ACVR2A: variants seen among roughly 807,000 people sequenced by gnomAD.
ACVR2A encodes the protein activin receptor type-2A.
ACVR2A carries 7 observed loss-of-function variants against 61.4 expected under a neutral mutation model. That is an observed-to-expected ratio of 0.11 (90% confidence interval 0.06 to 0.21). The LOEUF (loss-of-function observed/expected upper bound fraction) is 0.21, where lower values mean the gene tolerates loss of function less well. ACVR2A is among the 10% of genes least tolerant of loss of function. The pLI is 1.00. For synonymous variants in ACVR2A, 193 were observed against 208.3 expected, an observed-to-expected ratio of 0.93 and a Z score of 0.63; for missense variants, 322 against 621.7, an observed-to-expected ratio of 0.52 and a Z score of 5.13.
At chr2:147,856,402 C>T (rs567104935) in intron 1 of ACVR2A, among the ~76,000 whole-genome samples, 158 of 152,276 alleles carry the variant, frequency 1.0e-3, no homozygotes, top group African/African-American at 3.6e-3. Flanking sequence ...AGCTAACCAT[C>T]TTTGATAAGC....
chr2:147,910,836 G>A (rs1687094852), intron 4 of ACVR2A, among the ~76,000 whole-genome samples: 1 of 152,126 alleles, frequency 6.6e-6, no homozygotes, highest in Admixed American at 6.6e-5. Flanking sequence ...ACCTTGATGT[G>A]CTGGGCAAGT....
At chr2:147,898,009 A>G (rs1686783296) in intron 2 of ACVR2A, among the ~76,000 whole-genome samples, 1 of 152,142 alleles carries the variant, frequency 6.6e-6, no homozygotes, top group African/African-American at 2.4e-5. Flanking sequence ...TTTTTGTAGT[A>G]GAAAACTACT....
chr2:147,926,687 A>G (rs1029534936), intron 10 of ACVR2A, among the ~76,000 whole-genome samples: 58 of 151,906 alleles, frequency 3.8e-4, no homozygotes, highest in South Asian at 2.1e-4. Flanking sequence ...CAGGTAGAGA[A>G]ATCCCAAGGG....
intron 8 of ACVR2A, among the ~76,000 whole-genome samples, chr2:147,921,503 C>A (rs1687381358): frequency 6.6e-6 from 1 of 152,086 alleles, no homozygotes; most frequent in South Asian, 2.1e-4. Flanking sequence ...CTATTGGTTC[C>A]TGAGGACACG....
rs150606697 is a variant in ACVR2A, at chr2:147,892,071, A to G, written c.56-4230A>G. The stretch of plus-strand genomic sequence containing the variant: ...ACTGCAACCTCCACCTCCTGGGTTC[A>G]AGGGATTCTCCTGCCTTAGCCTCCT... On this transcript the variant is annotated intron_variant, in intron 1 of 10. Transcript: ENST00000241416. Among the ~76,000 whole-genome samples the G allele has an allele frequency of 9.3e-3, 1,418 of 152,018 alleles. 9 individuals are homozygous for G. Among genetic ancestry groups the G allele is most frequent in the Non-Finnish European group, 0.015 (1,009 of 67,970 alleles).
chr2:147,874,521 G>A (rs766818811), intron 1 of ACVR2A, among the ~76,000 whole-genome samples: 25 of 151,932 alleles, frequency 1.6e-4, no homozygotes, highest in Non-Finnish European at 3.2e-4. Flanking sequence ...TTCTCAAACT[G>A]TGGTGTGAGG....
chr2:147,906,771 C>A (rs976736717), intron 4 of ACVR2A, among the ~76,000 whole-genome samples: 6 of 149,608 alleles, frequency 4.0e-5, no homozygotes, highest in South Asian at 4.2e-4. Flanking sequence ...CATATTAACT[C>A]ATTTAATTTG....
At chr2:147,923,139 GATAT>G (rs1476907353) in intron 9 of ACVR2A, 28 bp downstream of exon 9, 10 of 1,595,156 alleles carry the variant, frequency 6.3e-6, no homozygotes. Context: ...TTTTAAAAAA[GATAT>G]ATATGCCTAC....
At position 147,845,123 on chromosome 2, in the gene ACVR2A, TTCC is replaced by T. The variant is rs1347146375; in HGVS notation, c.-26_-24del. On this transcript the variant is annotated 5_prime_UTR_variant, in exon 1 of 11. Coordinates refer to ENST00000241416, the MANE Select transcript of ACVR2A (RefSeq NM_001616.5). Reference sequence around the variant, plus strand: ...AGGGAACTGGATATCTAGCGAGAACTTCCTCCGGATTCCCCGGCGCCTCGGGAA... The same window carrying T: ...AGGGAACTGGATATCTAGCGAGAACTTCCGGATTCCCCGGCGCCTCGGGAA... 6.3e-7 allele frequency: 1 copy of T among 1,590,398 alleles called. No individual in the cohort carries two copies. The highest frequency in any genetic ancestry group is 8.6e-7 in the Non-Finnish European group (1 of 1,165,868).
chr2:147,858,980 C>CAAT (rs1685656536), intron 1 of ACVR2A, among the ~76,000 whole-genome samples: 1 of 151,998 alleles, frequency 6.6e-6, no homozygotes, highest in Admixed American at 6.5e-5. Context: ...TGTAGTTTGC[C>CAAT]AATCTCTTGG....
intron 1 of ACVR2A, among the ~76,000 whole-genome samples, chr2:147,890,858 A>G (rs1229414115): frequency 6.6e-6 from 1 of 152,026 alleles, no homozygotes; most frequent in Non-Finnish European, 1.5e-5. Context: ...ACTTGATGGG[A>G]TAGAGACTGA....
intron 1 of ACVR2A, among the ~76,000 whole-genome samples, chr2:147,883,730 T>G (rs1028344255): frequency 6.6e-6 from 1 of 152,208 alleles, no homozygotes; most frequent in Non-Finnish European, 1.5e-5. Flanking sequence ...ATATATATTG[T>G]TAATTTTCTT....
In ACVR2A at chr2:147,899,470, A is replaced by G; in HGVS notation, c.276A>G (p.Val92=). ...DINCYDRTDC[V]EKKDSPEVYF... The stretch of plus-strand genomic sequence containing the variant: ...TGCTTATTTATAGGACTGATTGTGT[A>G]GAAAAAAAAGACAGCCCTGAAGTAT... The change falls in exon 3 of 11, where the codon GTA becomes GTG. Residue 92 remains valine (V), a synonymous_variant. Transcript: ENST00000241416. 1 of 1,610,916 alleles carries G rather than the reference A, an allele frequency of 6.2e-7. No individual in the cohort carries two copies. The highest frequency in any genetic ancestry group is 8.5e-7 in the Non-Finnish European group (1 of 1,178,234).
At chr2:147,926,753 A>G (rs1687509309) in intron 10 of ACVR2A, among the ~76,000 whole-genome samples, 1 of 151,932 alleles carries the variant, frequency 6.6e-6, no homozygotes, top group African/African-American at 2.4e-5. Context: ...TTAACTAAGA[A>G]AACAATAAAA....
intron 1 of ACVR2A, among the ~76,000 whole-genome samples, chr2:147,881,218 T>C (rs1023466556): frequency 6.6e-6 from 1 of 152,204 alleles, no homozygotes; most frequent in Non-Finnish European, 1.5e-5. Context: ...TTTGCTCTTT[T>C]CCTGGTTCCT....
intron 1 of ACVR2A, among the ~76,000 whole-genome samples, chr2:147,866,759 A>G (rs993500786): frequency 3.9e-5 from 6 of 152,180 alleles, no homozygotes; most frequent in Non-Finnish European, 8.8e-5. Flanking sequence ...GAAGAGATGA[A>G]TTAGGTTTTT....
At chr2:147,845,733 A>G (rs1177135404) in intron 1 of ACVR2A, among the ~76,000 whole-genome samples, 1 of 152,138 alleles carries the variant, frequency 6.6e-6, no homozygotes, top group Non-Finnish European at 1.5e-5. Context: ...GTCTCCCCTC[A>G]CGTTTTCTTC....
chr2:147,886,816 C>A (rs1573679246), intron 1 of ACVR2A, among the ~76,000 whole-genome samples: 1 of 130,746 alleles, frequency 7.6e-6, no homozygotes, highest in African/African-American at 2.9e-5. Context: ...TGATTTAATT[C>A]AAAGCTGCAG....
At chr2:147,918,336 A>G in intron 6 of ACVR2A, 111 bp from the exon 7 acceptor site, 4 of 881,358 alleles carry the variant, frequency 4.5e-6, no homozygotes, top group Non-Finnish European at 6.5e-6. Flanking sequence ...CTTGGATATT[A>G]TTTTTCCCTG....
Sources: gnomAD v4.1 joint callset for allele counts (sites outside exome capture counted in the v4.1 genomes callset) on GRCh38, gnomAD v4.1.1 for gene constraint, MANE v1.5 for transcripts, NCBI Gene and HGNC (gene_info 2026-07-23, HGNC 2026-07-21) for gene names.